The following NANS variants were observed in gnomAD, a reference collection of about 807,000 sequenced individuals.
NANS encodes N-acetylneuraminate synthase, also known as N-acetylneuraminate-9-phosphate synthase.
NANS carries 29 observed loss-of-function variants against 33.3 expected under a neutral mutation model. The observed-to-expected ratio is 0.87, with a 90% confidence interval of 0.65 to 1.19. The LOEUF is 1.19. NANS is among the 50% of genes most tolerant of loss of function. The probability of loss-of-function intolerance (pLI) is 0.00; values close to 1 mark genes in which losing one functional copy is unlikely to be tolerated. For missense variants in NANS, 394 were observed against 461.1 expected, an observed-to-expected ratio of 0.85 and a Z score of 1.33; for synonymous variants, 163 against 177.2, an observed-to-expected ratio of 0.92 and a Z score of 0.64.
intron 5 of NANS, among the ~76,000 whole-genome samples, 155 bp from the exon 6 acceptor site, chr9:98,082,691 T>C (rs1017614383): frequency 3.3e-5 from 5 of 152,226 alleles, no homozygotes; most frequent in Admixed American, 6.5e-5. Context: ...ATTCCTGCCA[T>C]GTATGAGATA....
intron 5 of NANS, among the ~76,000 whole-genome samples, 188 bp from the exon 6 acceptor site, chr9:98,082,658 T>C (rs568386575): frequency 3.3e-5 from 5 of 152,240 alleles, no homozygotes; most frequent in Non-Finnish European, 7.3e-5. Flanking sequence ...TCTGAGTCTC[T>C]GAATTCAATC....
At position 98,056,910 on chromosome 9, in the gene NANS, C is replaced by G. The variant is rs3739670; in HGVS notation, c.102C>G (p.Asp34Glu). 13 of 1,608,852 alleles carry G rather than the reference C, an allele frequency of 8.1e-6. No homozygotes were observed. The highest frequency in any genetic ancestry group is 9.3e-6 in the Non-Finnish European group (11 of 1,177,980). The change falls in exon 1 of 6, where the codon GAC becomes GAG. Residue 34 changes from aspartate (D) to glutamate (E), a missense_variant. By Grantham distance (45) the Asp-to-Glu change is conservative. Coordinates refer to ENST00000210444, the MANE Select transcript of NANS (RefSeq NM_018946.4). ...GCCAGAACCACCAGGGCGACCTGGA[C>G]GTAGCCAAGCGCATGATCCGCATGG... ...EIGQNHQGDL[D>E]VAKRMIRMAK...
chr9:98,072,207 G>A (rs2131638454), intron 2 of NANS, among the ~76,000 whole-genome samples: 2 of 152,254 alleles, frequency 1.3e-5, no homozygotes, highest in South Asian at 4.1e-4. Flanking sequence ...GGGGCTATCT[G>A]GAGGATTCAG....
At chr9:98,070,712 G>A (rs973549337) in intron 2 of NANS, among the ~76,000 whole-genome samples, 2 of 151,456 alleles carry the variant, frequency 1.3e-5, no homozygotes, top group Non-Finnish European at 2.9e-5. Flanking sequence ...GAGCCATCGC[G>A]CCTGGTCACA....
At chr9:98,072,893 G>C (rs1473868325) in intron 2 of NANS, among the ~76,000 whole-genome samples, 1 of 152,138 alleles carries the variant, frequency 6.6e-6, no homozygotes, top group Non-Finnish European at 1.5e-5. Context: ...ACTGTATGCT[G>C]TTCTAGGGCG....
intron 2 of NANS, among the ~76,000 whole-genome samples, chr9:98,070,305 A>G (rs1170084792): frequency 6.6e-6 from 1 of 151,826 alleles, no homozygotes; most frequent in Non-Finnish European, 1.5e-5. Flanking sequence ...TTTAGTAGAG[A>G]CGGGGTTTCA....
chr9:98,060,790 G>A lies in NANS; in HGVS notation c.141G>A (p.Gly47=). The part of the protein sequence containing the change: ...KRMIRMAKEC[G]ADCAKFQKSE... ...CCTAATGTGTGTTGTAGGAGTGTGG[G>A]GCTGATTGTGCTAAGTTCCAGAAGA... Residue 47 remains glycine (G), a synonymous_variant, in exon 2 of 6, where the codon GGG becomes GGA. Coordinates refer to ENST00000210444, the MANE Select transcript of NANS (RefSeq NM_018946.4). The A allele has an allele frequency of 6.2e-7, 1 of 1,614,144 alleles. No homozygotes were observed.
chr9:98,078,833 G>T (rs953201846), intron 4 of NANS, among the ~76,000 whole-genome samples: 2 of 99,680 alleles, frequency 2.0e-5, no homozygotes, highest in Non-Finnish European at 3.8e-5. Context: ...AGACTCTCAG[G>T]GGGAAAAAAA....
At chr9:98,066,878 T>C (rs1829164091) in intron 2 of NANS, among the ~76,000 whole-genome samples, 1 of 152,184 alleles carries the variant, frequency 6.6e-6, no homozygotes, top group South Asian at 2.1e-4. Flanking sequence ...CTTGAACTTC[T>C]AACCTCAGGT....
At chr9:98,079,732 A>G (rs1829766961) in intron 4 of NANS, among the ~76,000 whole-genome samples, 1 of 152,168 alleles carries the variant, frequency 6.6e-6, no homozygotes, top group Non-Finnish European at 1.5e-5. Flanking sequence ...TCCCCACTCA[A>G]GGTGCTGTCA....
At chr9:98,070,702 G>A (rs756853451) in intron 2 of NANS, among the ~76,000 whole-genome samples, 1 of 152,004 alleles carries the variant, frequency 6.6e-6, no homozygotes, top group African/African-American at 2.4e-5. Context: ...TTACAGGCAT[G>A]AGCCATCGCG....
intron 2 of NANS, among the ~76,000 whole-genome samples, chr9:98,061,790 AAATT>A (rs1416736956): frequency 6.6e-6 from 1 of 151,628 alleles, no homozygotes; most frequent in Admixed American, 6.6e-5. Context: ...AAAAAAAAAA[AAATT>A]AATAATAATA....
chr9:98,078,302 C>G lies in NANS; in HGVS notation c.558C>G (p.Ser186Arg). The change falls in exon 4 of 6, where the codon AGC (serine) becomes AGG (arginine). Residue 186 changes from serine (S) to arginine (R), a missense_variant. By Grantham distance (110) the Ser-to-Arg change is moderately radical (BLOSUM62 -1). Transcript: ENST00000210444. ...NPNFCFLQCTSAYPLQPEDVN... is the reference protein window; with the variant it reads ...NPNFCFLQCTRAYPLQPEDVN... ...ACTTCTGCTTCTTGCAGTGTACCAG[C>G]GCATACCCGCTCCAGCCTGAGGACG... 6.2e-7 allele frequency: 1 copy of G among 1,613,904 alleles called. No individual in the cohort carries two copies. Among genetic ancestry groups the G allele is most frequent in the Admixed American group, 1.7e-5 (1 of 59,988 alleles).
chr9:98,060,821 C>T lies in NANS; in HGVS notation c.172C>T (p.Leu58=). The T allele has an allele frequency of 1.9e-6, 3 of 1,614,142 alleles. No homozygotes were observed. Among genetic ancestry groups the T allele is most frequent in the Non-Finnish European group, 2.5e-6 (3 of 1,180,026 alleles). ...TTGTGCTAAGTTCCAGAAGAGTGAGCTAGAATTCAAGTTTAATCGGAAAGC... is the reference window on the plus strand; with the variant it reads ...TTGTGCTAAGTTCCAGAAGAGTGAGTTAGAATTCAAGTTTAATCGGAAAGC... ...ADCAKFQKSE[L]EFKFNRKALE... Residue 58 remains leucine, a synonymous_variant, in exon 2 of 6, where the codon CTA becomes TTA. Coordinates refer to ENST00000210444, the MANE Select transcript of NANS (RefSeq NM_018946.4).
At chr9:98,081,105 C>A in intron 5 of NANS, 23 bp downstream of exon 5, 1 of 1,612,956 alleles carries the variant, frequency 6.2e-7, no homozygotes, top group South Asian at 1.1e-5. Flanking sequence ...GGACTCTACT[C>A]GGTTCTGCTG....
At chr9:98,057,250 C>G (rs1169683805) in intron 1 of NANS, among the ~76,000 whole-genome samples, 1 of 152,224 alleles carries the variant, frequency 6.6e-6, no homozygotes, top group Non-Finnish European at 1.5e-5. Context: ...CTGTGGCTCC[C>G]TCCTGCCCGC....
intron 2 of NANS, chr9:98,075,984 T>C (rs942658279): frequency 1.3e-5 from 2 of 152,162 alleles, no homozygotes; most frequent in African/African-American, 4.8e-5. Flanking sequence ...CTGAGTCTTG[T>C]TGATGAATAC....
intron 2 of NANS, chr9:98,069,828 G>A (rs980440747): frequency 1.3e-5 from 2 of 152,192 alleles, no homozygotes; most frequent in South Asian, 2.1e-4. Context: ...TATGGTGACC[G>A]TGGCAGTGCT....
Position 98,081,077 on chromosome 9 carries a change from GAGA to G in NANS, c.868_870del (p.Lys290del), listed in dbSNP as rs755677922. The stretch of plus-strand genomic sequence containing the variant: ...GCTGCCCTGTGAGATGGCCTGCAAT[GAGA>G]AGGTGTGTCCTGCCGGACTCTACTC... On this transcript the variant is annotated inframe_deletion and splice_region_variant, in exon 5 of 6. Coordinates refer to ENST00000210444, the MANE Select transcript of NANS (RefSeq NM_018946.4). 1.1e-5 allele frequency: 18 copies of G among 1,614,026 alleles called. No homozygotes were observed. The East Asian group carries it at 2.7e-4, about 24-fold the overall frequency.
Sources: allele counts gnomAD v4.1 joint callset (sites outside exome capture counted in the v4.1 genomes callset), GRCh38; gene constraint gnomAD v4.1.1; transcripts MANE v1.5; gene names NCBI Gene and HGNC (gene_info 2026-07-23, HGNC 2026-07-21).